The following CFAP20DC variants were observed in gnomAD, a reference collection of about 807,000 sequenced individuals.
The protein encoded by CFAP20DC is CFAP20 domain containing, also known as protein CFAP20DC.
In CFAP20DC, 84 loss-of-function variants were observed where a neutral mutation model predicts 101.7. That is an observed-to-expected ratio of 0.83 (90% CI 0.69 to 0.99). CFAP20DC has a LOEUF of 0.99. Among genes scored for constraint, CFAP20DC ranks in the 50% least tolerant of loss-of-function variants. CFAP20DC has a pLI of 0.00. For synonymous variants in CFAP20DC, 359 were observed against 351.2 expected (o/e 1.02, Z -0.25); for missense variants, 1,007 against 970.3 (o/e 1.04, Z -0.50).
At chr3:58,815,721 AAAG>A (rs2075069716) in intron 14 of CFAP20DC, among the ~76,000 whole-genome samples, 1 of 151,020 alleles carries the variant, frequency 6.6e-6, no homozygotes, top group African/African-American at 2.4e-5. Flanking sequence ...ACACTTCTCA[AAAG>A]AAGACATTTA....
At chr3:58,893,828 G>T (rs2082449869) in intron 6 of CFAP20DC, among the ~76,000 whole-genome samples, 1 of 151,214 alleles carries the variant, frequency 6.6e-6, no homozygotes, top group East Asian at 1.9e-4. Context: ...TTTTCATGCT[G>T]CTGATAAAGA....
intron 15 of CFAP20DC, among the ~76,000 whole-genome samples, chr3:58,755,944 TA>T (rs1348548168): frequency 1.3e-5 from 2 of 152,182 alleles, no homozygotes; most frequent in Non-Finnish European, 2.9e-5. Flanking sequence ...TTAAAAAAAT[TA>T]AAATAATGTT....
At chr3:58,800,332 G>C (rs2073599346) in intron 15 of CFAP20DC, among the ~76,000 whole-genome samples, 1 of 152,178 alleles carries the variant, frequency 6.6e-6, no homozygotes, top group Admixed American at 6.5e-5. Context: ...GAGAAAAGAG[G>C]CTGGATTTGG....
At chr3:58,830,694 T>G (rs1311565857) in intron 14 of CFAP20DC, among the ~76,000 whole-genome samples, 1 of 152,202 alleles carries the variant, frequency 6.6e-6, no homozygotes, top group Non-Finnish European at 1.5e-5. Context: ...TATATTTTCT[T>G]TAAAAATTGT....
intron 3 of CFAP20DC, among the ~76,000 whole-genome samples, chr3:58,736,050 C>G (rs2067747263): frequency 6.6e-6 from 1 of 152,068 alleles, no homozygotes; most frequent in Admixed American, 6.6e-5. Context: ...ATTAAAATCT[C>G]TTGAAACAGG....
chr3:58,834,212 T>C (rs1397264056), intron 13 of CFAP20DC, among the ~76,000 whole-genome samples: 1 of 152,068 alleles, frequency 6.6e-6, no homozygotes, highest in African/African-American at 2.4e-5. Context: ...TATATTTCAA[T>C]TTAAAAAAAG....
chr3:58,948,781 TATC>T (rs2089700949), intron 4 of CFAP20DC, among the ~76,000 whole-genome samples: 1 of 152,236 alleles, frequency 6.6e-6, no homozygotes, highest in Admixed American at 6.5e-5. Context: ...CCAGCTTTGG[TATC>T]AGGATGATGC....
intron 6 of CFAP20DC, among the ~76,000 whole-genome samples, chr3:58,904,816 T>C (rs960126503): frequency 1.3e-5 from 2 of 152,180 alleles, no homozygotes; most frequent in Non-Finnish European, 2.9e-5. Context: ...AGTGAGTCTA[T>C]TAAGGCTAGA....
rs1339053077 is a variant in CFAP20DC, at chr3:59,029,847, G to A, written c.278+9710C>T. On this transcript the variant is annotated intron_variant, in intron 4 of 16. Transcript: ENST00000482387. ...AGCGTGGGGAGAAGTATACAAATTC[G>A]AGGTATATCAAATCCCCCATGCCTA... 2.6e-5 allele frequency among the ~76,000 whole-genome samples: 4 copies of A among 152,076 alleles called. No homozygotes were observed. The East Asian group carries it at 5.8e-4, about 22-fold the overall frequency.
chr3:58,751,561 G>C (rs533002416), intron 16 of CFAP20DC, among the ~76,000 whole-genome samples: 3 of 152,110 alleles, frequency 2.0e-5, no homozygotes, highest in Non-Finnish European at 4.4e-5. Flanking sequence ...CTTTTTTAAA[G>C]AACTTAGTCA....
At position 58,971,351 on chromosome 3, in the gene CFAP20DC, C is replaced by T. The variant is rs760550838; in HGVS notation, c.279-33589G>A. 1.8e-4 allele frequency among the ~76,000 whole-genome samples: 27 copies of T among 151,894 alleles called. No individual in the cohort carries two copies. The highest frequency in any genetic ancestry group is 2.9e-4 in the Non-Finnish European group (20 of 67,982). On this transcript the variant is annotated intron_variant, in intron 4 of 16. Transcript: ENST00000482387. The surrounding 1 kb of genome is among the most constrained non-coding windows in gnomAD (Gnocchi z 4.1). Reference sequence around the variant, plus strand: ...TTTTTTTAAAGTTTAAAATAAATTGCGCACCAATCAAAATTTGACAGTATC... The same window carrying T: ...TTTTTTTAAAGTTTAAAATAAATTGTGCACCAATCAAAATTTGACAGTATC...
chr3:58,787,969 A>T (rs573257032), intron 15 of CFAP20DC, among the ~76,000 whole-genome samples: 1 of 150,970 alleles, frequency 6.6e-6, no homozygotes, highest in East Asian at 2.0e-4. Flanking sequence ...GGGGAACATC[A>T]CACACTGGGG....
rs113320397 is a variant in CFAP20DC, at chr3:58,869,710, C to T, written c.853-220G>A. ...AGAAGACATGCAAGTCTCCTAGACACATAAATTAAAATGTGCTTATTTGCT... is the reference window on the plus strand; with the variant it reads ...AGAAGACATGCAAGTCTCCTAGACATATAAATTAAAATGTGCTTATTTGCT... On this transcript the variant is annotated intron_variant, in intron 8 of 16. Coordinates refer to ENST00000482387, the MANE Select transcript of CFAP20DC (RefSeq NM_001394063.1). This position sits in a 1 kb window ranked among gnomAD's most constrained non-coding sequence, Gnocchi z 4.3. 2.0e-5 allele frequency among the ~76,000 whole-genome samples: 3 copies of T among 152,192 alleles called. No individual in the cohort carries two copies. Among genetic ancestry groups the T allele is most frequent in the African/African-American group, 4.8e-5 (2 of 41,530 alleles).
rs140068748 is a variant in CFAP20DC at position 58,816,313 on chromosome 3, C to G, written c.2176-9857G>C. On this transcript the variant is annotated intron_variant, in intron 14 of 16. Coordinates refer to ENST00000482387, the MANE Select transcript of CFAP20DC (RefSeq NM_001394063.1). ...CCAAGATGGCCGAATAGGAACAGCT[C>G]TGGTCTACAGCTCCCAGAGTGAGCG... 1.5e-3 allele frequency among the ~76,000 whole-genome samples: 224 copies of G among 152,266 alleles called. 6 individuals are homozygous for G. The East Asian group carries it at 0.036, about 25-fold the overall frequency.
chr3:58,794,244 C>G (rs942534762), intron 15 of CFAP20DC: 2 of 429,016 alleles, frequency 4.7e-6, no homozygotes, highest in African/African-American at 4.1e-5. Flanking sequence ...TTTTCCCATG[C>G]CTACACCAAA....
intron 12 of CFAP20DC, among the ~76,000 whole-genome samples, chr3:58,851,567 A>T (rs2078233674): frequency 6.6e-6 from 1 of 152,152 alleles, no homozygotes. Flanking sequence ...GACTTCAAAA[A>T]GCTCCAGGAA....
intron 3 of CFAP20DC, among the ~76,000 whole-genome samples, chr3:58,730,628 G>C (rs905980367): frequency 2.0e-5 from 3 of 152,182 alleles, no homozygotes; most frequent in Admixed American, 6.5e-5. Context: ...TCAGCAATCA[G>C]ATGCATTTGC....
At chr3:58,923,699 T>C (rs2085641034) in intron 5 of CFAP20DC, among the ~76,000 whole-genome samples, 2 of 152,336 alleles carry the variant, frequency 1.3e-5, no homozygotes, top group South Asian at 4.1e-4. Context: ...TATGATATAC[T>C]ATGGTGTTGT....
chr3:58,993,072 A>G (rs1331196388), intron 4 of CFAP20DC, among the ~76,000 whole-genome samples: 5 of 152,194 alleles, frequency 3.3e-5, no homozygotes, highest in African/African-American at 1.2e-4. Flanking sequence ...TACTTTTCCA[A>G]TTGAGGAATT....
Sources: allele counts gnomAD v4.1 joint callset (sites outside exome capture counted in the v4.1 genomes callset), GRCh38; gene constraint gnomAD v4.1.1; non-coding constraint Gnocchi (gnomAD v3.1); transcripts MANE v1.5; gene names NCBI Gene and HGNC (gene_info 2026-07-23, HGNC 2026-07-21).